The following DPP6 variants were observed in gnomAD, a reference collection of about 807,000 sequenced individuals.
DPP6 encodes the protein A-type potassium channel modulatory protein DPP6.
DPP6 carries 69 observed loss-of-function variants against 122.6 expected under a neutral mutation model. The observed-to-expected ratio is 0.56, with a 90% CI of 0.46 to 0.69. The LOEUF is 0.69. DPP6 is among the 30% of genes least tolerant of loss of function. The pLI is 0.00. For synonymous variants in DPP6, 418 were observed against 433.1 expected, an observed-to-expected ratio of 0.97 and a Z score of 0.43; for missense variants, 928 against 1,116.9, an observed-to-expected ratio of 0.83 and a Z score of 2.41.
chr7:154,495,506 C>A (rs1214634860), intron 3 of DPP6, among the ~76,000 whole-genome samples: 1 of 151,886 alleles, frequency 6.6e-6, no homozygotes, highest in Non-Finnish European at 1.5e-5. Flanking sequence ...TCTCATGCCT[C>A]AGCCTCCTGA....
chr7:154,132,529 C>T (rs1439780022), intron 1 of DPP6, among the ~76,000 whole-genome samples: 3 of 152,030 alleles, frequency 2.0e-5, no homozygotes, highest in Non-Finnish European at 2.9e-5. Flanking sequence ...ATTTTTTATC[C>T]CTCTCTTCTT....
At position 154,150,041 on chromosome 7, in the gene DPP6, A is replaced by G. The variant is rs186956337; in HGVS notation, c.243+96978A>G. ...AACCAATGTGGTTTCTTTCCCCAGC[A>G]TCGCTTGAATCTACAGCAAACTGTC... On this transcript the variant is annotated intron_variant, in intron 1 of 25. Transcript: ENST00000377770. 2.2e-3 allele frequency among the ~76,000 whole-genome samples: 329 copies of G among 152,336 alleles called. 7 individuals are homozygous for G. The highest frequency in any genetic ancestry group is 3.4e-3 in the Middle Eastern group (1 of 294).
upstream of DPP6, among the ~76,000 whole-genome samples, chr7:153,883,684 C>T (rs38987): frequency 0.63 from 95,379 of 152,116 alleles, 30,393 homozygotes; most frequent in African/African-American, 0.73. Flanking sequence ...CTGGACCTGT[C>T]TTTCTTACAG....
intron 1 of DPP6, among the ~76,000 whole-genome samples, chr7:154,045,359 G>A (rs1415477339): frequency 6.6e-6 from 1 of 152,184 alleles, no homozygotes; most frequent in Non-Finnish European, 1.5e-5. Flanking sequence ...AGGTCACCTT[G>A]GTGCCGTGAA....
chr7:154,056,042 C>G (rs1476465033), intron 1 of DPP6: 2 of 152,178 alleles, frequency 1.3e-5, no homozygotes, highest in Non-Finnish European at 2.9e-5. Flanking sequence ...TTATGGTAGT[C>G]TAACAAGGCT....
intron 1 of DPP6, among the ~76,000 whole-genome samples, chr7:154,431,501 CTTTTCTTTCTTT>C: frequency 7.4e-5 from 1 of 13,518 alleles, no homozygotes; most frequent in Non-Finnish European, 1.3e-4. Flanking sequence ...CTTTTCTTTT[CTTTTCTTTCTTT>C]TATTATTTCT....
At chr7:153,835,767 C>T in the DPP6 span, among the ~76,000 whole-genome samples, 36 of 152,250 alleles carry the variant, frequency 2.4e-4, no homozygotes, top group Middle Eastern at 3.4e-3. Flanking sequence ...GAGGACAGAC[C>T]TAAGAGCAGC....
chr7:154,318,369 T>C (rs1414795968), intron 1 of DPP6, among the ~76,000 whole-genome samples: 1 of 152,160 alleles, frequency 6.6e-6, no homozygotes, highest in Non-Finnish European at 1.5e-5. Context: ...AGAGGTATAA[T>C]CGATTTAGAG....
chr7:154,805,454 T>G (rs1798640588), intron 15 of DPP6, among the ~76,000 whole-genome samples: 1 of 152,136 alleles, frequency 6.6e-6, no homozygotes, highest in South Asian at 2.1e-4. Flanking sequence ...AGCTCCTCAG[T>G]TTGGAAGCAG....
At chr7:154,147,446 T>TTTCCTTCCTTCCTTCCTTCCTTCCTTCC (rs200682495) in intron 1 of DPP6, among the ~76,000 whole-genome samples, 7 of 142,968 alleles carry the variant, frequency 4.9e-5, no homozygotes, top group African/African-American at 1.9e-4. Context: ...ACTTTATTCA[T>TTTCCTTCCTTCCTTCCTTCCTTCCTTCC]TTCCTTCCTT....
intron 1 of DPP6, among the ~76,000 whole-genome samples, chr7:154,063,889 A>G (rs956559724): frequency 1.3e-5 from 2 of 151,628 alleles, no homozygotes; most frequent in African/African-American, 4.8e-5. Context: ...AAGGAGAATC[A>G]TGTCAGGAGC....
At chr7:154,506,778 C>T (rs1825699263) in intron 3 of DPP6, among the ~76,000 whole-genome samples, 1 of 152,196 alleles carries the variant, frequency 6.6e-6, no homozygotes, top group Non-Finnish European at 1.5e-5. Flanking sequence ...AAGTCAGGTG[C>T]TTCTCTCCCC....
intron 1 of DPP6, among the ~76,000 whole-genome samples, chr7:154,222,226 A>G (rs1585667430): frequency 1.3e-5 from 2 of 152,300 alleles, no homozygotes; most frequent in Admixed American, 6.5e-5. Flanking sequence ...CAAATTGAGC[A>G]TATCTTCCAA....
intron 16 of DPP6, among the ~76,000 whole-genome samples, chr7:154,827,529 G>A (rs779633040): frequency 5.3e-5 from 8 of 152,080 alleles, no homozygotes; most frequent in Admixed American, 2.0e-4. Context: ...GGGCGTCTGC[G>A]CAGAGGGGCA....
chr7:153,937,045 G>A (rs143564433), intron 1 of DPP6, among the ~76,000 whole-genome samples: 1 of 152,124 alleles, frequency 6.6e-6, no homozygotes, highest in African/African-American at 2.4e-5. Flanking sequence ...AGGTGTGGTC[G>A]CTGGTGGACT....
chr7:154,806,016 G>A lies in DPP6; in HGVS notation c.1548-978G>A, dbSNP rs564462937. ...ACATTGGGAAGCCCCCCTGGTGAAC[G>A]CAGCCTCCCTTCCCAGCCATCGGCC... On this transcript the variant is annotated intron_variant, in intron 15 of 25. Coordinates refer to ENST00000377770, the MANE Select transcript of DPP6 (RefSeq NM_130797.4). Among the ~76,000 whole-genome samples, 16 of 152,336 alleles carry A rather than the reference G, an allele frequency of 1.1e-4. No homozygotes were observed. In the East Asian group the frequency reaches 1.7e-3, roughly 17 times the overall value.
At position 154,241,572 on chromosome 7, in the gene DPP6, A is replaced by G. The variant is rs2150875663; in HGVS notation, c.243+188509A>G. ...GAGACCCTGTCTCAAAACAAAACAA[A>G]AAAAAGATCCAATTCCATCCCCATC... On this transcript the variant is annotated intron_variant, in intron 1 of 25. Coordinates refer to ENST00000377770, the MANE Select transcript of DPP6 (RefSeq NM_130797.4). The surrounding 1 kb of genome is among the most constrained non-coding windows in gnomAD (Gnocchi z 9.0). Among the ~76,000 whole-genome samples, 1 of 152,228 alleles carries G rather than the reference A, an allele frequency of 6.6e-6. No individual in the cohort carries two copies.
At chr7:154,238,937 G>T (rs1258785656) in intron 1 of DPP6, among the ~76,000 whole-genome samples, 1 of 152,164 alleles carries the variant, frequency 6.6e-6, no homozygotes, top group Admixed American at 6.5e-5. Flanking sequence ...GTATCTCTTT[G>T]ATTTGAGCAA....
intron 1 of DPP6, among the ~76,000 whole-genome samples, chr7:154,325,658 T>G (rs1172562463): frequency 1.3e-5 from 2 of 152,174 alleles, no homozygotes; most frequent in Non-Finnish European, 2.9e-5. Flanking sequence ...TGGTTCTTTA[T>G]TTTTGCTTTA....
Sources: gnomAD v4.1 joint callset for allele counts (sites outside exome capture counted in the v4.1 genomes callset) on GRCh38, gnomAD v4.1.1 for gene constraint, Gnocchi (gnomAD v3.1) non-coding constraint, MANE v1.5 for transcripts, NCBI Gene and HGNC (gene_info 2026-07-23, HGNC 2026-07-21) for gene names.